SRGAP1: variants seen among roughly 807,000 people sequenced by gnomAD.
SRGAP1 encodes SLIT-ROBO Rho GTPase activating protein 1.
A neutral mutation model predicts 121.9 loss-of-function variants in SRGAP1; 43 were observed. The observed-to-expected ratio is 0.35, with a 90% confidence interval of 0.28 to 0.46. The LOEUF (loss-of-function observed/expected upper bound fraction) is 0.46, where lower values mean the gene tolerates loss of function less well. Ranked by LOEUF, SRGAP1 falls within the 20% of genes least tolerant of loss-of-function variation. The pLI is 1.00. For synonymous variants in SRGAP1, 447 were observed against 485.4 expected (o/e 0.92, Z 1.04); for missense variants, 1,102 against 1,350.9 (o/e 0.82, Z 2.89).
At chr12:63,881,285 A>G (rs1391604067) in intron 1 of SRGAP1, among the ~76,000 whole-genome samples, 1 of 152,216 alleles carries the variant, frequency 6.6e-6, no homozygotes, top group Admixed American at 6.5e-5. Context: ...TGGATATTTT[A>G]TGATATGTAC....
chr12:63,887,772 C>T (rs1900440677), intron 1 of SRGAP1: 1 of 152,232 alleles, frequency 6.6e-6, no homozygotes, highest in South Asian at 2.1e-4. Context: ...TTGTTCCTTC[C>T]ACCCTTTCTT....
chr12:63,929,573 G>T (rs1012214591), intron 1 of SRGAP1, among the ~76,000 whole-genome samples: 3 of 142,780 alleles, frequency 2.1e-5, no homozygotes, highest in Non-Finnish European at 4.5e-5. Flanking sequence ...AAGCCCCCAC[G>T]AGTTTTTTTT....
intron 1 of SRGAP1, among the ~76,000 whole-genome samples, chr12:63,929,868 A>G (rs2136336186): frequency 6.6e-6 from 1 of 152,266 alleles, no homozygotes; most frequent in East Asian, 1.9e-4. Flanking sequence ...CAGAATGTGC[A>G]GGTTTGTGAG....
At chr12:64,005,176 A>T (rs978885142) in intron 3 of SRGAP1, among the ~76,000 whole-genome samples, 1 of 152,248 alleles carries the variant, frequency 6.6e-6, no homozygotes, top group African/African-American at 2.4e-5. Flanking sequence ...CTAGAAGCCT[A>T]TAAAAAAGGA....
At chr12:63,959,906 G>T (rs1332008277) in intron 1 of SRGAP1, among the ~76,000 whole-genome samples, 2 of 152,150 alleles carry the variant, frequency 1.3e-5, no homozygotes, top group African/African-American at 2.4e-5. Flanking sequence ...TTAATCACTA[G>T]ACTTTACTCA....
intron 15 of SRGAP1, among the ~76,000 whole-genome samples, chr12:64,101,393 GTGACCAC>G (rs1474033491): frequency 2.0e-5 from 3 of 151,344 alleles, no homozygotes; most frequent in Non-Finnish European, 2.9e-5. Flanking sequence ...ATGACCCTGA[GTGACCAC>G]GTTCTTTGGA....
At chr12:64,036,694 C>T (rs540573756) in intron 4 of SRGAP1, among the ~76,000 whole-genome samples, 8 of 152,158 alleles carry the variant, frequency 5.3e-5, no homozygotes, top group East Asian at 1.9e-4. Flanking sequence ...AGTCCAATCC[C>T]AGGTATTTAT....
At chr12:63,905,493 C>T (rs1378537427) in intron 1 of SRGAP1, among the ~76,000 whole-genome samples, 1 of 152,216 alleles carries the variant, frequency 6.6e-6, no homozygotes. Flanking sequence ...AGAGCTTATG[C>T]ATTTTACATA....
At chr12:64,132,972 T>C (rs2036807972) in intron 21 of SRGAP1, among the ~76,000 whole-genome samples, 1 of 152,226 alleles carries the variant, frequency 6.6e-6, no homozygotes, top group African/African-American at 2.4e-5. Flanking sequence ...TACCAGGAGA[T>C]GTGTTAATTT....
chr12:64,087,127 A>G (rs2035960992), intron 11 of SRGAP1, 101 bp downstream of exon 11: 2 of 897,574 alleles, frequency 2.2e-6, no homozygotes, highest in Non-Finnish European at 3.4e-6. Flanking sequence ...GTTAATGAAT[A>G]CGGGAGATAG....
chr12:63,924,616 G>A (rs2031188505), intron 1 of SRGAP1, among the ~76,000 whole-genome samples: 1 of 152,200 alleles, frequency 6.6e-6, no homozygotes, highest in Non-Finnish European at 1.5e-5. Flanking sequence ...TTATACCCTA[G>A]TGAACTTTAT....
At chr12:63,961,895 A>G (rs1189823771) in intron 1 of SRGAP1, among the ~76,000 whole-genome samples, 2 of 152,138 alleles carry the variant, frequency 1.3e-5, no homozygotes, top group African/African-American at 2.4e-5. Context: ...GATATATTTT[A>G]GATAAGTGGT....
chr12:64,133,296 C>A (rs1444538448), intron 21 of SRGAP1, among the ~76,000 whole-genome samples: 1 of 152,198 alleles, frequency 6.6e-6, no homozygotes, highest in Non-Finnish European at 1.5e-5. Flanking sequence ...CAGTCCAGAG[C>A]CAATGTGGGG....
At chr12:63,890,359 C>G (rs1487577486) in intron 1 of SRGAP1, among the ~76,000 whole-genome samples, 1 of 152,112 alleles carries the variant, frequency 6.6e-6, no homozygotes, top group African/African-American at 2.4e-5. Flanking sequence ...GATGCTTCTC[C>G]CTAAAGTGTC....
intron 3 of SRGAP1, among the ~76,000 whole-genome samples, chr12:63,993,322 A>G (rs111776548): frequency 0.016 from 2,491 of 152,328 alleles, 59 homozygotes; most frequent in African/African-American, 0.056. Flanking sequence ...TAGCATTCCA[A>G]TAGTGGAACA....
At chr12:63,956,026 C>T (rs963414843) in intron 1 of SRGAP1, among the ~76,000 whole-genome samples, 2 of 152,098 alleles carry the variant, frequency 1.3e-5, no homozygotes, top group Non-Finnish European at 2.9e-5. Context: ...TTTGATAAGT[C>T]ACTGATGTCT....
chr12:63,919,696 TTC>T (rs1263977401), intron 1 of SRGAP1, among the ~76,000 whole-genome samples: 2 of 151,712 alleles, frequency 1.3e-5, no homozygotes, highest in Middle Eastern at 3.2e-3. Flanking sequence ...CCTAATTTTT[TTC>T]TTTCTCTTGC....
chr12:64,044,006 A>C (rs1252134691), intron 6 of SRGAP1, among the ~76,000 whole-genome samples: 1 of 152,202 alleles, frequency 6.6e-6, no homozygotes, highest in African/African-American at 2.4e-5. Context: ...ATACTTAAGA[A>C]ATGATTAAAT....
intron 4 of SRGAP1, among the ~76,000 whole-genome samples, chr12:64,040,420 A>G (rs1439950451): frequency 6.6e-6 from 1 of 152,128 alleles, no homozygotes; most frequent in Non-Finnish European, 1.5e-5. Context: ...TGAGAATTTG[A>G]CATCATTTAT....
Sources: gnomAD v4.1 joint callset for allele counts (sites outside exome capture counted in the v4.1 genomes callset) on GRCh38, gnomAD v4.1.1 for gene constraint, MANE v1.5 for transcripts, NCBI Gene and HGNC (gene_info 2026-07-23, HGNC 2026-07-21) for gene names.